The following SYT17 variants were observed in gnomAD, a reference collection of about 807,000 sequenced individuals.
The protein encoded by SYT17 is synaptotagmin 17.
SYT17 carries 22 observed loss-of-function variants against 46.7 expected under a neutral mutation model. That is an observed-to-expected ratio of 0.47 (90% CI 0.34 to 0.67). SYT17 has a LOEUF of 0.67. Among genes scored for constraint, SYT17 ranks in the 30% least tolerant of loss-of-function variants. The pLI is 0.01. For synonymous variants in SYT17, 251 were observed against 248.4 expected, an observed-to-expected ratio of 1.01 and a Z score of -0.10; for missense variants, 519 against 612.8, an observed-to-expected ratio of 0.85 and a Z score of 1.62.
At chr16:19,230,666 A>T (rs572980156) in intron 7 of SYT17, among the ~76,000 whole-genome samples, 1 of 152,300 alleles carries the variant, frequency 6.6e-6, no homozygotes, top group East Asian at 1.9e-4. Flanking sequence ...TTTCATTGCC[A>T]CTTTGAGGGA....
intron 5 of SYT17, among the ~76,000 whole-genome samples, chr16:19,215,773 C>G (rs1254729189): frequency 6.6e-6 from 1 of 152,162 alleles, no homozygotes. Flanking sequence ...TCTCATGCTG[C>G]TGATAAAGAC....
Position 19,168,663 on chromosome 16 carries a change from T to G in SYT17, c.15+2T>G. On this transcript the variant is annotated splice_donor_variant, in intron 1 of 7. Coordinates refer to ENST00000355377, the MANE Select transcript of SYT17 (RefSeq NM_016524.4). LOFTEE classifies it high-confidence loss of function. The surrounding 1 kb of genome is among the most constrained non-coding windows in gnomAD (Gnocchi z 6.9). ...CGGGCGAAAATGGCGTACATCCAGGTAGGGCTGAGGCTGGGGGCAAGGTCC... is the reference window on the plus strand; with the variant it reads ...CGGGCGAAAATGGCGTACATCCAGGGAGGGCTGAGGCTGGGGGCAAGGTCC... 1 of 1,524,828 alleles carries G rather than the reference T, an allele frequency of 6.6e-7. No individual in the cohort carries two copies. Among genetic ancestry groups the G allele is most frequent in the Non-Finnish European group, 8.8e-7 (1 of 1,134,314 alleles). 94.5% of individuals were successfully genotyped at this position (1,524,828 alleles called of 1,614,324 possible).
intron 4 of SYT17, among the ~76,000 whole-genome samples, chr16:19,182,948 T>C (rs1396973067): frequency 6.6e-6 from 1 of 152,190 alleles, no homozygotes; most frequent in African/African-American, 2.4e-5. Flanking sequence ...ATTTTACTGA[T>C]GGGAAAACAG....
At chr16:19,188,506 A>C (rs1964872741) in intron 5 of SYT17, among the ~76,000 whole-genome samples, 1 of 103,112 alleles carries the variant, frequency 9.7e-6, no homozygotes, top group Admixed American at 9.9e-5. Flanking sequence ...AAAAAAATTC[A>C]GTTCTGCAAA....
chr16:19,249,700 A>G (rs1597025780), intron 7 of SYT17, among the ~76,000 whole-genome samples: 1 of 152,334 alleles, frequency 6.6e-6, no homozygotes, highest in Non-Finnish European at 1.5e-5. Context: ...AGCAGGATCC[A>G]GTGTGCTCAT....
intron 3 of SYT17, among the ~76,000 whole-genome samples, chr16:19,178,380 C>T (rs922028476): frequency 1.2e-4 from 18 of 151,828 alleles, no homozygotes; most frequent in Admixed American, 1.3e-4. Context: ...CCACCGTGCC[C>T]GCCCAGTTTC....
At chr16:19,171,670 C>T (rs964357370) in intron 1 of SYT17, 3 of 152,000 alleles carry the variant, frequency 2.0e-5, no homozygotes, top group Non-Finnish European at 2.9e-5. Context: ...TAAATGGGCT[C>T]ATTTTTATTT....
intron 7 of SYT17, among the ~76,000 whole-genome samples, chr16:19,232,724 G>A (rs1234867503): frequency 1.7e-4 from 26 of 151,930 alleles, no homozygotes; most frequent in African/African-American, 3.4e-4. Flanking sequence ...CCAGCTGCTC[G>A]GGAGGCTTAG....
intron 3 of SYT17, among the ~76,000 whole-genome samples, chr16:19,177,086 A>T (rs1478343379): frequency 2.0e-5 from 3 of 152,170 alleles, no homozygotes; most frequent in Admixed American, 2.0e-4. Context: ...CTAGGTTCTC[A>T]TGTTGAGCTG....
rs530261872 is a variant in SYT17 at position 19,195,917 on chromosome 16, G to A, written c.951+11770G>A. On this transcript the variant is annotated intron_variant, in intron 5 of 7. Coordinates refer to ENST00000355377, the MANE Select transcript of SYT17 (RefSeq NM_016524.4). Reference sequence around the variant, plus strand: ...GGAGGATCACTTGAGCATGGGAGGTGGAGGCTGCTGTGAGCTATGATGGCA... The same window carrying A: ...GGAGGATCACTTGAGCATGGGAGGTAGAGGCTGCTGTGAGCTATGATGGCA... Among the ~76,000 whole-genome samples, 9 of 152,208 alleles carry A rather than the reference G, an allele frequency of 5.9e-5. No homozygotes were observed. In the South Asian group the frequency reaches 1.9e-3, roughly 32 times the overall value.
intron 5 of SYT17, among the ~76,000 whole-genome samples, chr16:19,216,719 TTTTA>T: frequency 6.6e-6 from 1 of 152,348 alleles, no homozygotes; most frequent in Non-Finnish European, 1.5e-5. Flanking sequence ...ACTCATCCTT[TTTTA>T]TGGCTGCATA....
intron 7 of SYT17, among the ~76,000 whole-genome samples, chr16:19,246,822 G>A (rs1010853961): frequency 6.6e-5 from 10 of 152,124 alleles, no homozygotes; most frequent in African/African-American, 1.7e-4. Flanking sequence ...CAGGCACTGC[G>A]GCTATGACAG....
intron 7 of SYT17, among the ~76,000 whole-genome samples, chr16:19,252,478 TATACATATATATATAC>T (rs1189936403): frequency 1.1e-4 from 1 of 9,500 alleles, no homozygotes; most frequent in Non-Finnish European, 1.7e-4. Flanking sequence ...TACATATATA[TATACATATATATATAC>T]ATATATATAT....
intron 5 of SYT17, among the ~76,000 whole-genome samples, chr16:19,189,014 G>C (rs1964903463): frequency 6.6e-6 from 1 of 152,116 alleles, no homozygotes; most frequent in African/African-American, 2.4e-5. Flanking sequence ...AGCCTCCCGA[G>C]TTGCTGGGAC....
intron 5 of SYT17, among the ~76,000 whole-genome samples, chr16:19,210,474 A>AT (rs35191202): frequency 1.5e-4 from 21 of 137,446 alleles, no homozygotes; most frequent in Admixed American, 5.9e-4. Context: ...TTAAAAGGGT[A>AT]TTTTTTTTTA....
At chr16:19,192,823 T>C (rs1272806372) in intron 5 of SYT17, among the ~76,000 whole-genome samples, 1 of 152,174 alleles carries the variant, frequency 6.6e-6, no homozygotes, top group Non-Finnish European at 1.5e-5. Flanking sequence ...TTTCTACTAC[T>C]GTGATGGTTC....
intron 5 of SYT17, among the ~76,000 whole-genome samples, chr16:19,204,905 G>C (rs229007): frequency 2.0e-5 from 3 of 151,680 alleles, no homozygotes; most frequent in South Asian, 2.1e-4. Context: ...GGTGTTCCCC[G>C]TATCCATCAG....
At position 19,267,351 on chromosome 16, in the gene SYT17, T is replaced by C. The variant is rs745479301; in HGVS notation, c.*275T>C. On this transcript the variant is annotated 3_prime_UTR_variant, in exon 8 of 8. Transcript: ENST00000355377. ...AGCTCAGTGGGCTCTGCCGTGGGACTTATTGGCAGTGCCTGCTCTTGTCAA... is the reference window on the plus strand; with the variant it reads ...AGCTCAGTGGGCTCTGCCGTGGGACCTATTGGCAGTGCCTGCTCTTGTCAA... 3.5e-5 allele frequency: 11 copies of C among 317,918 alleles called. No individual in the cohort carries two copies. The highest frequency in any genetic ancestry group is 7.2e-5 in the South Asian group (1 of 13,890). 19.7% of individuals were successfully genotyped at this position (317,918 alleles called of 1,614,324 possible). A position where few individuals can be genotyped will look rare whatever the true frequency, so the allele number is the denominator to read the frequency against.
At chr16:19,185,912 A>C (rs966569143) in intron 5 of SYT17, among the ~76,000 whole-genome samples, 5 of 152,164 alleles carry the variant, frequency 3.3e-5, no homozygotes, top group Non-Finnish European at 7.3e-5. Context: ...CACCTGGTGA[A>C]TATCTAATTG....
Sources: gnomAD v4.1 joint callset for allele counts (sites outside exome capture counted in the v4.1 genomes callset) on GRCh38, gnomAD v4.1.1 for gene constraint, Gnocchi (gnomAD v3.1) non-coding constraint, MANE v1.5 for transcripts, NCBI Gene and HGNC (gene_info 2026-07-23, HGNC 2026-07-21) for gene names.